TBCK: variants seen among roughly 807,000 people sequenced by gnomAD.
TBCK encodes TBC domain-containing protein kinase-like protein.
In TBCK, 99 loss-of-function variants were observed where a neutral mutation model predicts 113.4. The ratio of observed to expected loss-of-function variants is 0.87; its 90% CI spans 0.74 to 1.03. The LOEUF is 1.03. TBCK is among the 50% of genes least tolerant of loss of function. The pLI is 0.00. For missense variants in TBCK, 1,045 were observed against 1,061.3 expected (o/e 0.98, Z 0.21); for synonymous variants, 369 against 370.8 (o/e 1.00, Z 0.05).
intron 3 of TBCK, among the ~76,000 whole-genome samples, chr4:106,262,994 T>C (rs1197072568): frequency 6.6e-6 from 1 of 151,960 alleles, no homozygotes; most frequent in Admixed American, 6.6e-5. Flanking sequence ...GGTGCCTGCA[T>C]TAAAATATTT....
At chr4:106,194,362 C>G (rs910055399) in intron 21 of TBCK, among the ~76,000 whole-genome samples, 6 of 151,740 alleles carry the variant, frequency 4.0e-5, no homozygotes, top group African/African-American at 1.2e-4. Flanking sequence ...TAGAGGAATC[C>G]TAGTTTAAAA....
At position 106,231,782 on chromosome 4, in the gene TBCK, AAC is replaced by A; in HGVS notation, c.1640-5_1640-4del. On this transcript the variant is annotated splice_polypyrimidine_tract_variant and splice_region_variant and intron_variant, in intron 17 of 25. Coordinates refer to ENST00000394708, the MANE Select transcript of TBCK (RefSeq NM_001163435.3). ...TGGAGCACAAAGTGAGTCAAGACCT[AAC>A]ACAGAGGGGTTGGGAGAAAGAAGTC... 1.2e-6 allele frequency: 2 copies of A among 1,609,308 alleles called. No homozygotes were observed. Among genetic ancestry groups the A allele is most frequent in the East Asian group, 4.5e-5 (2 of 44,682 alleles).
chr4:106,046,674 C>G lies in TBCK; in HGVS notation c.2578G>C (p.Ala860Pro). ...GGATATTTCATCTTCACAAGGTGAG[C>G]TGCAAACTGGAAAAAAAAAGAGGCA... Reference protein sequence around the residue: ...HVAKHTAEFAAHLVKMKYPRI... With the variant: ...HVAKHTAEFAPHLVKMKYPRI... The change falls in exon 26 of 26, where the codon GCT (alanine) becomes CCT (proline). Residue 860 changes from alanine (A) to proline (P), a missense_variant. Ala to Pro is a conservative substitution (Grantham distance 27). Coordinates refer to ENST00000394708, the MANE Select transcript of TBCK (RefSeq NM_001163435.3). The G allele has an allele frequency of 6.3e-7, 1 of 1,595,694 alleles. No homozygotes were observed. Among genetic ancestry groups the G allele is most frequent in the Non-Finnish European group, 8.6e-7 (1 of 1,166,410 alleles).
intron 3 of TBCK, among the ~76,000 whole-genome samples, chr4:106,286,975 T>C (rs2125811842): frequency 6.6e-6 from 1 of 152,250 alleles, no homozygotes; most frequent in South Asian, 2.1e-4. Flanking sequence ...CCAACTTCTT[T>C]CGCCTCAGTT....
intron 23 of TBCK, among the ~76,000 whole-genome samples, chr4:106,168,391 T>C (rs1216617078): frequency 6.6e-6 from 1 of 151,836 alleles, no homozygotes; most frequent in African/African-American, 2.4e-5. Flanking sequence ...CACACAATAC[T>C]TTCTGGTGAC....
At chr4:106,181,337 T>G (rs1752355105) in intron 22 of TBCK, among the ~76,000 whole-genome samples, 4 of 152,218 alleles carry the variant, frequency 2.6e-5, no homozygotes, top group Admixed American at 1.3e-4. Flanking sequence ...ACTCTGATGA[T>G]AGATTCTTTT....
At chr4:106,222,700 C>A (rs1318253523) in intron 19 of TBCK, among the ~76,000 whole-genome samples, 1 of 152,072 alleles carries the variant, frequency 6.6e-6, no homozygotes, top group Non-Finnish European at 1.5e-5. Context: ...TAAGAATGTG[C>A]CCAAACCAAA....
intron 22 of TBCK, among the ~76,000 whole-genome samples, chr4:106,187,650 G>A (rs532250089): frequency 1.3e-5 from 2 of 152,236 alleles, no homozygotes; most frequent in African/African-American, 2.4e-5. Flanking sequence ...TCCTGACCTT[G>A]TGATCTGCCC....
chr4:106,066,063 G>C (rs554917200), intron 25 of TBCK, among the ~76,000 whole-genome samples: 4 of 152,094 alleles, frequency 2.6e-5, no homozygotes, highest in Admixed American at 2.6e-4. Flanking sequence ...ACAGGAAATA[G>C]TTAATGAATA....
chr4:106,312,501 T>C (rs73839422), intron 1 of TBCK, among the ~76,000 whole-genome samples: 23,504 of 152,152 alleles, frequency 0.15, 1,916 homozygotes, highest in South Asian at 0.25. Flanking sequence ...ATATTGCTAG[T>C]GGGAGCGTAA....
intron 25 of TBCK, among the ~76,000 whole-genome samples, chr4:106,074,610 A>G (rs1737945061): frequency 6.6e-6 from 1 of 152,244 alleles, no homozygotes; most frequent in Non-Finnish European, 1.5e-5. Context: ...TAAAAGATTC[A>G]TGTATTTAGA....
intron 25 of TBCK, among the ~76,000 whole-genome samples, chr4:106,064,710 C>T (rs986003195): frequency 6.6e-6 from 1 of 151,890 alleles, no homozygotes; most frequent in African/African-American, 2.4e-5. Flanking sequence ...TTATGAGTTT[C>T]AGAGACTAAC....
chr4:106,232,637 T>C (rs1758994202), intron 17 of TBCK, among the ~76,000 whole-genome samples: 1 of 151,964 alleles, frequency 6.6e-6, no homozygotes, highest in South Asian at 2.1e-4. Flanking sequence ...CCCCAATTGA[T>C]TTAACAATTT....
intron 23 of TBCK, among the ~76,000 whole-genome samples, chr4:106,165,692 T>C (rs1750288580): frequency 6.6e-6 from 1 of 151,786 alleles, no homozygotes; most frequent in African/African-American, 2.4e-5. Context: ...GTGCTTATTA[T>C]GTACTAGACA....
chr4:106,289,964 T>C (rs1003457403), intron 3 of TBCK, among the ~76,000 whole-genome samples: 2 of 152,114 alleles, frequency 1.3e-5, no homozygotes, highest in Non-Finnish European at 2.9e-5. Flanking sequence ...GCATCACACA[T>C]ATTGCATTGT....
At chr4:106,304,657 G>A (rs1767317906) in intron 2 of TBCK, among the ~76,000 whole-genome samples, 1 of 152,060 alleles carries the variant, frequency 6.6e-6, no homozygotes, top group South Asian at 2.1e-4. Flanking sequence ...TCTCCCTGAA[G>A]AAAATCAGAA....
chr4:106,051,449 C>A (rs1301694656), intron 25 of TBCK, among the ~76,000 whole-genome samples: 2 of 151,988 alleles, frequency 1.3e-5, no homozygotes, highest in East Asian at 3.9e-4. Flanking sequence ...AATAATCCTA[C>A]ATTTGGGGTA....
chr4:106,247,919 T>G (rs1432421323), intron 9 of TBCK: 2 of 182,400 alleles, frequency 1.1e-5, no homozygotes, highest in Non-Finnish European at 1.1e-5. Context: ...GACAACAAAC[T>G]TTTATTCTCA....
chr4:106,199,439 A>T (rs1027331830), intron 20 of TBCK, among the ~76,000 whole-genome samples: 2 of 151,790 alleles, frequency 1.3e-5, no homozygotes. Context: ...CAGTTCTTAG[A>T]TACCTTTTCT....
Sources: allele counts gnomAD v4.1 joint callset (sites outside exome capture counted in the v4.1 genomes callset), GRCh38; gene constraint gnomAD v4.1.1; transcripts MANE v1.5; gene names NCBI Gene and HGNC (gene_info 2026-07-23, HGNC 2026-07-21).